The following CDH23 variants were observed in gnomAD, a reference collection of about 807,000 sequenced individuals.
The protein encoded by CDH23 is cadherin related 23.
CDH23 carries 189 observed loss-of-function variants against 317.1 expected under a neutral mutation model. The observed-to-expected ratio is 0.60, with a 90% CI of 0.53 to 0.67. CDH23 has a LOEUF of 0.67. CDH23 is among the 30% of genes least tolerant of loss of function. The pLI, the probability that CDH23 is intolerant of heterozygous loss-of-function variation, is 0.00. For missense variants in CDH23, 4,401 were observed against 4,592.4 expected, an observed-to-expected ratio of 0.96 and a Z score of 1.20; for synonymous variants, 1,839 against 1,876.8, an observed-to-expected ratio of 0.98 and a Z score of 0.52.
At chr10:71,423,736 G>A (rs1227265900) in intron 1 of CDH23, among the ~76,000 whole-genome samples, 1 of 152,168 alleles carries the variant, frequency 6.6e-6, no homozygotes, top group East Asian at 1.9e-4. Context: ...CCTCTCTGAG[G>A]TTCATTTTCA....
At chr10:71,409,845 G>A (rs576279796) in intron 1 of CDH23, among the ~76,000 whole-genome samples, 1 of 152,216 alleles carries the variant, frequency 6.6e-6, no homozygotes, top group East Asian at 1.9e-4. Context: ...TTTCAGGAGG[G>A]TACACACCTC....
At chr10:71,572,749 C>A (rs1242081182) in intron 8 of CDH23, among the ~76,000 whole-genome samples, 1 of 152,190 alleles carries the variant, frequency 6.6e-6, no homozygotes, top group East Asian at 1.9e-4. Flanking sequence ...GTAGAATTAA[C>A]TCTCTCTATG....
chr10:71,398,234 T>C (rs1290157985), intron 1 of CDH23, among the ~76,000 whole-genome samples: 1 of 152,206 alleles, frequency 6.6e-6, no homozygotes, highest in Non-Finnish European at 1.5e-5. Context: ...AGCGGTCCAC[T>C]GGGAGGAAAT....
intron 14 of CDH23, among the ~76,000 whole-genome samples, chr10:71,661,442 C>A (rs548491102): frequency 2.0e-5 from 3 of 152,194 alleles, no homozygotes; most frequent in Non-Finnish European, 4.4e-5. Context: ...TCTCTGAACA[C>A]CTCCGTTTCT....
intron 3 of CDH23, among the ~76,000 whole-genome samples, chr10:71,489,026 T>C (rs1320818821): frequency 6.6e-6 from 1 of 152,260 alleles, no homozygotes; most frequent in Non-Finnish European, 1.5e-5. Flanking sequence ...ACTCTGTTTT[T>C]CTTTGGTATT....
At chr10:71,449,866 A>T (rs1358929623) in intron 3 of CDH23, among the ~76,000 whole-genome samples, 1 of 152,204 alleles carries the variant, frequency 6.6e-6, no homozygotes, top group African/African-American at 2.4e-5. Flanking sequence ...CACAGAGCCT[A>T]CGTGTTCATT....
intron 6 of CDH23, among the ~76,000 whole-genome samples, chr10:71,556,935 C>T (rs931114228): frequency 6.6e-6 from 1 of 152,164 alleles, no homozygotes; most frequent in African/African-American, 2.4e-5. Context: ...CTTTGCTATA[C>T]ACACACACTG....
chr10:71,425,895 T>G (rs1304397064), intron 1 of CDH23, among the ~76,000 whole-genome samples: 1 of 152,200 alleles, frequency 6.6e-6, no homozygotes, highest in Non-Finnish European at 1.5e-5. Flanking sequence ...GGACACAGGA[T>G]GGAAGCTGCT....
intron 28 of CDH23, chr10:71,715,534 A>T (rs1866173432): frequency 5.9e-6 from 1 of 168,420 alleles, no homozygotes. Flanking sequence ...GACTAAAGGG[A>T]ACCTTTGCCA....
intron 49 of CDH23, 69 bp downstream of exon 49, chr10:71,797,289 C>A: frequency 9.2e-7 from 1 of 1,081,956 alleles, no homozygotes; most frequent in Non-Finnish European, 1.4e-6. Flanking sequence ...AGGTGGGGAA[C>A]AGGCACTGGT....
chr10:71,429,807 G>A (rs10762444), intron 1 of CDH23, among the ~76,000 whole-genome samples: 46,688 of 152,018 alleles, frequency 0.31, 7,359 homozygotes, highest in Middle Eastern at 0.45. Flanking sequence ...ACATGCTGGT[G>A]GGCAAATGGC....
intron 30 of CDH23, among the ~76,000 whole-genome samples, chr10:71,729,458 G>A (rs1413039554): frequency 2.0e-5 from 3 of 152,192 alleles, no homozygotes; most frequent in Non-Finnish European, 4.4e-5. Flanking sequence ...ACAGGGCCAG[G>A]GAAGCTGGAG....
At chr10:71,531,566 C>T (rs1425103015) in intron 6 of CDH23, among the ~76,000 whole-genome samples, 1 of 152,100 alleles carries the variant, frequency 6.6e-6, no homozygotes, top group Admixed American at 6.5e-5. Context: ...GCTCTGTGCT[C>T]ATTAGCCTTG....
In CDH23 at chr10:71,723,383, A is replaced by G. The variant is rs1474816566; in HGVS notation, c.3370-662A>G. On this transcript the variant is annotated intron_variant, in intron 28 of 69. Coordinates refer to ENST00000224721, the MANE Select transcript of CDH23 (RefSeq NM_022124.6). The stretch of plus-strand genomic sequence containing the variant: ...TTGTAAAAAGGGCTGAGCACTAGGC[A>G]GTGTCTCAGAGTGACAACAACGTCC... Among the ~76,000 whole-genome samples the G allele has an allele frequency of 2.6e-5, 4 of 152,190 alleles. No homozygotes were observed. In the East Asian group the frequency reaches 7.7e-4, roughly 29 times the overall value.
intron 17 of CDH23, among the ~76,000 whole-genome samples, chr10:71,682,067 G>C (rs1242150291): frequency 6.6e-6 from 1 of 151,768 alleles, no homozygotes; most frequent in Non-Finnish European, 1.5e-5. Context: ...CAGACAGACA[G>C]ACAAGCAGAC....
At chr10:71,592,149 C>A (rs531374420) in intron 9 of CDH23, among the ~76,000 whole-genome samples, 5 of 152,194 alleles carry the variant, frequency 3.3e-5, no homozygotes, top group African/African-American at 9.6e-5. Flanking sequence ...TTCAGGGCAT[C>A]TGTGTTTACA....
At chr10:71,622,942 G>A (rs758548251) in intron 11 of CDH23, 107 of 985,244 alleles carry the variant, frequency 1.1e-4, no homozygotes, top group Non-Finnish European at 1.2e-4. Context: ...TTAATTTGCC[G>A]AACCCCTGGC....
chr10:71,715,983 C>A, intron 28 of CDH23: 1 of 1,491,438 alleles, frequency 6.7e-7, no homozygotes, highest in Non-Finnish European at 8.9e-7. Flanking sequence ...CGGTTGTCCT[C>A]GGGGCCCGGC....
chr10:71,811,831 C>G, intron 65 of CDH23, 78 bp downstream of exon 65: 1 of 1,573,930 alleles, frequency 6.4e-7, no homozygotes, highest in Non-Finnish European at 8.6e-7. Context: ...GAGCCACAAG[C>G]CTGGCTCAGG....
Sources: allele counts gnomAD v4.1 joint callset (sites outside exome capture counted in the v4.1 genomes callset), GRCh38; gene constraint gnomAD v4.1.1; transcripts MANE v1.5; gene names NCBI Gene and HGNC (gene_info 2026-07-23, HGNC 2026-07-21).